The following SYNPO variants were observed in gnomAD, a reference collection of about 807,000 sequenced individuals.
SYNPO encodes the protein synaptopodin.
Under a neutral mutation model 49.5 loss-of-function variants are expected in SYNPO, and 19 were observed. That is an observed-to-expected ratio of 0.38 (90% CI 0.27 to 0.56). The LOEUF (loss-of-function observed/expected upper bound fraction) is 0.56. Among genes scored for constraint, SYNPO ranks in the 20% least tolerant of loss-of-function variants. The pLI is 0.68. For missense variants in SYNPO, 1,131 were observed against 1,248.3 expected (o/e 0.91, Z 1.42); for synonymous variants, 536 against 548.0 (o/e 0.98, Z 0.31).
At chr5:150,628,419 C>T (rs1269430158) in intron 2 of SYNPO, among the ~76,000 whole-genome samples, 1 of 152,204 alleles carries the variant, frequency 6.6e-6, no homozygotes, top group Admixed American at 6.5e-5. Flanking sequence ...TGTGGTTGGA[C>T]CTCTGGGTTC....
chr5:150,587,622 T>G, the SYNPO span, among the ~76,000 whole-genome samples: 1 of 152,210 alleles, frequency 6.6e-6, no homozygotes, highest in African/African-American at 2.4e-5. Context: ...CTTTTATTTA[T>G]TACATTGTTA....
At chr5:150,656,351 T>G in intron 2 of SYNPO, 53 bp from the exon 3 acceptor site, 1 of 1,387,674 alleles carries the variant, frequency 7.2e-7, no homozygotes, top group Non-Finnish European at 9.7e-7. Context: ...TAAAGCCCGG[T>G]GTGGAAGACC....
intron 2 of SYNPO, among the ~76,000 whole-genome samples, chr5:150,655,666 A>T (rs539330384): frequency 3.9e-5 from 6 of 152,124 alleles, no homozygotes; most frequent in Non-Finnish European, 8.8e-5. Context: ...TATTTTTTTT[A>T]AATTGAGACA....
At chr5:150,588,751 C>T in the SYNPO span, among the ~76,000 whole-genome samples, 3 of 151,920 alleles carry the variant, frequency 2.0e-5, no homozygotes, top group African/African-American at 7.3e-5. Flanking sequence ...GGCCTTTGGA[C>T]TTTATCCTCT....
At chr5:150,591,250 C>T in the SYNPO span, among the ~76,000 whole-genome samples, 1 of 152,248 alleles carries the variant, frequency 6.6e-6, no homozygotes, top group Non-Finnish European at 1.5e-5. Flanking sequence ...TGGCGGCTGC[C>T]TCCTCAGTAA....
the SYNPO span, among the ~76,000 whole-genome samples, chr5:150,590,970 GC>G: frequency 1.3e-5 from 2 of 152,094 alleles, no homozygotes; most frequent in African/African-American, 2.4e-5. Context: ...CTCCTTTTCT[GC>G]CCCCCTCCCA....
intron 2 of SYNPO, among the ~76,000 whole-genome samples, chr5:150,655,924 T>A (rs1157909486): frequency 6.6e-6 from 1 of 152,258 alleles, no homozygotes; most frequent in East Asian, 1.9e-4. Context: ...GTGCTGGGAC[T>A]ACAGGCGCGG....
At position 150,649,015 on chromosome 5, in the gene SYNPO, C is replaced by T. The variant is rs41336050; in HGVS notation, c.740C>T (p.Ala247Val). The change falls in exon 2 of 3, where the codon GCG (alanine) becomes GTG (valine). Residue 247 changes from alanine (A) to valine (V), a missense_variant. Physicochemically the swap from Ala to Val is moderately conservative, Grantham distance 64 (BLOSUM62 0). This residue lies in a region of SYNPO where 602 missense variants were observed against 720.7 expected (regional missense o/e 0.84). Transcript: ENST00000307662. The part of the protein sequence containing the change: ...NRTARPFGIQ[A>V]PGGTSQMERS... ...ACGGCCAGGCCTTTTGGGATCCAGG[C>T]GCCAGGGGGCACCAGCCAGATGGAG... is the stretch of plus-strand genomic sequence containing the variant. 6.9e-5 allele frequency: 112 copies of T among 1,614,200 alleles called. 1 individual carries two copies. In the African/African-American group the frequency reaches 1.1e-3, roughly 16 times the overall value.
rs1005457121 is a variant in SYNPO, at chr5:150,624,860, C to G, written c.400+6093C>G. Reference sequence around the variant, plus strand: ...CGCTGACGGACGCGGCCAGGTGTGCCGAGGCGGCGGCGCCCGGGAGCTCGG... The same window carrying G: ...CGCTGACGGACGCGGCCAGGTGTGCGGAGGCGGCGGCGCCCGGGAGCTCGG... On this transcript the variant is annotated intron_variant, in intron 2 of 2. Coordinates refer to the SYNPO transcript ENST00000394243. 18 of 984,914 alleles carry G rather than the reference C, an allele frequency of 1.8e-5. No individual in the cohort carries two copies. In the South Asian group the frequency reaches 2.3e-4, roughly 12 times the overall value. The allele number at this position is 984,914 out of a possible 1,614,324, so 61.0% of individuals were successfully genotyped here.
intron 2 of SYNPO, among the ~76,000 whole-genome samples, chr5:150,626,138 G>A (rs544028024): frequency 6.6e-6 from 1 of 152,268 alleles, no homozygotes; most frequent in East Asian, 1.9e-4. Flanking sequence ...ACTGGCGCCA[G>A]CCTGCCTTGT....
chr5:150,657,064 G>A lies in SYNPO; in HGVS notation c.2689G>A (p.Ala897Thr), dbSNP rs749377808. The A allele has an allele frequency of 1.9e-6, 3 of 1,593,996 alleles. No individual in the cohort carries two copies. The highest frequency in any genetic ancestry group is 2.6e-6 in the Non-Finnish European group (3 of 1,170,622). The change falls in exon 3 of 3, where the codon GCC (alanine) becomes ACC (threonine). Residue 897 changes from alanine to threonine, a missense_variant. Physicochemically the swap from Ala to Thr is moderately conservative, Grantham distance 58. Transcript: ENST00000307662. Reference protein sequence around the residue: ...SLRLKRGSLPAEASCTT With the variant: ...SLRLKRGSLPTEASCTT ...TCGGCTCAAGCGTGGCAGCCTCCCC[G>A]CCGAGGCCTCCTGCACCACCTAGAG...
intron 1 of SYNPO, among the ~76,000 whole-genome samples, chr5:150,607,277 C>T (rs74719472): frequency 0.022 from 3,383 of 152,152 alleles, 90 homozygotes; most frequent in East Asian, 0.12. Context: ...AAAAAAAAAG[C>T]AAATCTGATG....
intron 1 of SYNPO, among the ~76,000 whole-genome samples, chr5:150,641,479 C>A (rs916580765): frequency 6.6e-5 from 10 of 152,204 alleles, no homozygotes; most frequent in African/African-American, 2.4e-4. Flanking sequence ...TTGACGGCAT[C>A]GTGTGAAGAA....
intron 1 of SYNPO, among the ~76,000 whole-genome samples, chr5:150,609,195 G>A (rs569031138): frequency 2.9e-4 from 44 of 152,354 alleles, no homozygotes; most frequent in Admixed American, 2.8e-3. Context: ...TGGCTGTTGA[G>A]ACAGTGTGGC....
At chr5:150,623,372 T>C (rs1395202996) in intron 2 of SYNPO, among the ~76,000 whole-genome samples, 1 of 152,042 alleles carries the variant, frequency 6.6e-6, no homozygotes, top group Non-Finnish European at 1.5e-5. Flanking sequence ...CACACAGCAA[T>C]CCTAGCCTCT....
intron 2 of SYNPO, chr5:150,624,958 G>C: frequency 1.0e-6 from 1 of 985,532 alleles, no homozygotes; most frequent in South Asian, 4.7e-5. Flanking sequence ...CGCGAGCCTC[G>C]CCCCTTCCCA....
At chr5:150,600,366 C>T (rs1015159684), upstream of SYNPO, among the ~76,000 whole-genome samples, 16 of 152,252 alleles carry the variant, frequency 1.1e-4, 1 homozygote, top group African/African-American at 3.6e-4. Context: ...CCAGCCCACA[C>T]AACAGCCCTC....
chr5:150,653,459 C>G (rs187778795), intron 2 of SYNPO: 36 of 152,366 alleles, frequency 2.4e-4, no homozygotes, highest in African/African-American at 7.7e-4. Flanking sequence ...GTTATCATAG[C>G]TCTCCTGTGC....
chr5:150,618,310 A>G (rs1757037279), exon 2 of SYNPO: 10 of 1,489,158 alleles, frequency 6.7e-6, no homozygotes, highest in Non-Finnish European at 9.0e-6. Context: ...GCCCCAGCCC[A>G]GGCCCTGGCC....
Sources: allele counts gnomAD v4.1 joint callset (sites outside exome capture counted in the v4.1 genomes callset), GRCh38; gene constraint gnomAD v4.1.1; regional missense constraint gnomAD v4.1.1; transcripts MANE v1.5; gene names NCBI Gene and HGNC (gene_info 2026-07-23, HGNC 2026-07-21).